The following CTNNA3 variants were observed in gnomAD, a reference collection of about 807,000 sequenced individuals.
CTNNA3 encodes catenin alpha-3.
CTNNA3 carries 76 observed loss-of-function variants against 95.7 expected under a neutral mutation model. The observed-to-expected ratio is 0.79, with a 90% CI of 0.66 to 0.96. CTNNA3 has a LOEUF of 0.96. Among genes scored for constraint, CTNNA3 ranks in the 40% least tolerant of loss-of-function variants. The pLI, the probability that CTNNA3 is intolerant of heterozygous loss-of-function variation, is 0.00. For synonymous variants in CTNNA3, 431 were observed against 374.4 expected (o/e 1.15, Z -1.74); for missense variants, 1,191 against 1,089.8 (o/e 1.09, Z -1.31).
intron 7 of CTNNA3, chr10:67,097,490 A>G (rs1858074522): frequency 2.9e-6 from 3 of 1,030,872 alleles, no homozygotes; most frequent in Non-Finnish European, 4.4e-6. Context: ...AGATATAACC[A>G]TGGAGGTTAG....
intron 2 of CTNNA3, among the ~76,000 whole-genome samples, chr10:67,620,273 T>C (rs1176452184): frequency 1.3e-5 from 2 of 152,074 alleles, no homozygotes; most frequent in Non-Finnish European, 2.9e-5. Flanking sequence ...GCCCACAAGA[T>C]GACCATGCAT....
At chr10:66,711,622 C>T (rs1287182113) in intron 9 of CTNNA3, among the ~76,000 whole-genome samples, 1 of 152,022 alleles carries the variant, frequency 6.6e-6, no homozygotes, top group Admixed American at 6.6e-5. Context: ...GATCTTGGCT[C>T]ACTGCAAACT....
intron 3 of CTNNA3, among the ~76,000 whole-genome samples, chr10:67,587,976 T>C (rs1842685449): frequency 6.6e-6 from 1 of 152,154 alleles, no homozygotes; most frequent in Non-Finnish European, 1.5e-5. Context: ...TTCTTTTTTC[T>C]ACGTAGTCTA....
At chr10:67,743,916 A>T (rs1015058709) in intron 1 of CTNNA3, among the ~76,000 whole-genome samples, 2 of 151,316 alleles carry the variant, frequency 1.3e-5, no homozygotes, top group Admixed American at 1.3e-4. Context: ...CTTCAAAGAG[A>T]ATAAAATACC....
chr10:67,481,834 C>A (rs1049842410), intron 5 of CTNNA3, among the ~76,000 whole-genome samples: 2 of 152,048 alleles, frequency 1.3e-5, no homozygotes, highest in African/African-American at 2.4e-5. Flanking sequence ...ATGCCTATGT[C>A]CTGAATGGTA....
chr10:67,717,895 A>G (rs1841153762), intron 1 of CTNNA3, among the ~76,000 whole-genome samples: 1 of 152,202 alleles, frequency 6.6e-6, no homozygotes. Flanking sequence ...TTAAATCTAT[A>G]AATTACTTTG....
intron 2 of CTNNA3, among the ~76,000 whole-genome samples, chr10:67,635,201 G>A (rs1277619078): frequency 6.6e-6 from 1 of 151,970 alleles, no homozygotes; most frequent in Non-Finnish European, 1.5e-5. Context: ...CCAAAAAAAA[G>A]GCCCATGACC....
At chr10:66,572,955 T>C (rs1160744352) in intron 10 of CTNNA3, among the ~76,000 whole-genome samples, 1 of 152,098 alleles carries the variant, frequency 6.6e-6, no homozygotes, top group Non-Finnish European at 1.5e-5. Context: ...GGAGTCCAAA[T>C]TGTACAGTTT....
chr10:67,198,410 A>G (rs1863476994), intron 6 of CTNNA3, among the ~76,000 whole-genome samples: 1 of 152,170 alleles, frequency 6.6e-6, no homozygotes, highest in African/African-American at 2.4e-5. Flanking sequence ...GAGTTAGACT[A>G]AAAAAGAGGC....
intron 12 of CTNNA3, among the ~76,000 whole-genome samples, chr10:66,309,287 T>C (rs1039362224): frequency 2.6e-5 from 4 of 152,172 alleles, no homozygotes; most frequent in Non-Finnish European, 5.9e-5. Flanking sequence ...TACCTCAGTG[T>C]TTGAAATCAT....
At chr10:66,556,510 A>T (rs72793677) in intron 10 of CTNNA3, among the ~76,000 whole-genome samples, 11,244 of 152,100 alleles carry the variant, frequency 0.074, 562 homozygotes, top group African/African-American at 0.13. Flanking sequence ...GTGTACATAT[A>T]TCATATATAT....
chr10:66,426,257 T>A (rs1020194391), intron 11 of CTNNA3, among the ~76,000 whole-genome samples: 1 of 152,090 alleles, frequency 6.6e-6, no homozygotes, highest in African/African-American at 2.4e-5. Context: ...TTGGAATGAC[T>A]GTGTCATAGG....
chr10:67,158,425 C>A (rs1399494173), intron 7 of CTNNA3, among the ~76,000 whole-genome samples: 1 of 152,070 alleles, frequency 6.6e-6, no homozygotes, highest in Admixed American at 6.6e-5. Flanking sequence ...CTATTCTGGC[C>A]TGGCAAAAAA....
chr10:66,314,251 C>A (rs1434562605), intron 12 of CTNNA3, among the ~76,000 whole-genome samples: 1 of 152,130 alleles, frequency 6.6e-6, no homozygotes, highest in African/African-American at 2.4e-5. Flanking sequence ...AAGAAGGCAG[C>A]TCCACCCCAG....
At chr10:66,785,368 T>C (rs186493382) in intron 7 of CTNNA3, among the ~76,000 whole-genome samples, 214 of 152,320 alleles carry the variant, frequency 1.4e-3, no homozygotes, top group African/African-American at 4.9e-3. Flanking sequence ...TCTGGATAAG[T>C]AGACCCAGTA....
At chr10:66,479,034 T>G (rs1032369486) in intron 11 of CTNNA3, among the ~76,000 whole-genome samples, 2 of 143,650 alleles carry the variant, frequency 1.4e-5, no homozygotes, top group African/African-American at 5.2e-5. Flanking sequence ...ATTATATAGA[T>G]TTTGTTTCTT....
intron 1 of CTNNA3, among the ~76,000 whole-genome samples, chr10:67,718,666 T>C (rs1027596204): frequency 6.6e-5 from 10 of 152,158 alleles, no homozygotes; most frequent in Admixed American, 2.0e-4. Flanking sequence ...CCCACTTGAT[T>C]GTGGTAGATA....
chr10:66,508,083 T>G (rs1055310992), intron 11 of CTNNA3, among the ~76,000 whole-genome samples: 1 of 152,076 alleles, frequency 6.6e-6, no homozygotes, highest in African/African-American at 2.4e-5. Flanking sequence ...CTTAAATAAC[T>G]AATAAAATTA....
Position 66,106,327 on chromosome 10 carries a change from GTGTGTGTGTT to G in CTNNA3, c.1885-3088_1885-3079del, listed in dbSNP as rs1267851684. On this transcript the variant is annotated intron_variant, in intron 13 of 17. Transcript: ENST00000433211. Reference sequence around the variant, plus strand: ...TGGTAAACATCTGGAAGTTTTGTGTGTGTGTGTGTTTGTGTGTGTGTGTGTGTGTGTGTGT... The same window carrying G: ...TGGTAAACATCTGGAAGTTTTGTGTGTGTGTGTGTGTGTGTGTGTGTGTGT... 1.3e-4 allele frequency among the ~76,000 whole-genome samples: 17 copies of G among 130,964 alleles called. No homozygotes were observed. In the South Asian group the frequency reaches 2.0e-3, roughly 16 times the overall value. The allele number at this position is 130,964 out of a possible 152,430, so 85.9% of individuals were successfully genotyped here.
Sources: gnomAD v4.1 joint callset for allele counts (sites outside exome capture counted in the v4.1 genomes callset) on GRCh38, gnomAD v4.1.1 for gene constraint, MANE v1.5 for transcripts, NCBI Gene and HGNC (gene_info 2026-07-23, HGNC 2026-07-21) for gene names.